The following FCHO1 variants were observed in gnomAD, a reference collection of about 807,000 sequenced individuals.
FCHO1 encodes the protein F-BAR domain only protein 1.
FCHO1 carries 45 observed loss-of-function variants against 114.4 expected under a neutral mutation model. That is an observed-to-expected ratio of 0.39 (90% CI 0.31 to 0.50). The LOEUF is 0.50. Among genes scored for constraint, FCHO1 ranks in the 20% least tolerant of loss-of-function variants. The pLI, the probability that FCHO1 is intolerant of heterozygous loss-of-function variation, is 0.77. For missense variants in FCHO1, 1,042 were observed against 1,209.6 expected (o/e 0.86, Z 2.06); for synonymous variants, 480 against 488.9 (o/e 0.98, Z 0.24).
rs2082796698 is a variant in FCHO1 at position 17,754,323 on chromosome 19, A to C, written c.-176A>C. On this transcript the variant is annotated 5_prime_UTR_variant, in exon 2 of 29. Coordinates refer to ENST00000596536, the MANE Select transcript of FCHO1 (RefSeq NM_015122.3). ...ATTCCTTCTTATTTTGCAGATGGGGAAACTGAGGCACGGAGCTGGACAGTG... is the reference window on the plus strand; with the variant it reads ...ATTCCTTCTTATTTTGCAGATGGGGCAACTGAGGCACGGAGCTGGACAGTG... 1 of 152,398 alleles carries C rather than the reference A, an allele frequency of 6.6e-6. No individual in the cohort carries two copies. The highest frequency in any genetic ancestry group is 6.5e-5 in the Admixed American group (1 of 15,288). The allele number at this position is 152,398 out of a possible 1,614,324, so 9.4% of individuals were successfully genotyped here. A position where few individuals can be genotyped will look rare whatever the true frequency, so the allele number is the denominator to read the frequency against.
rs760083911 is a variant in FCHO1 at position 17,776,673 on chromosome 19, C to G, written c.1246C>G (p.Pro416Ala). 5.6e-6 allele frequency: 9 copies of G among 1,613,610 alleles called. No homozygotes were observed. The highest frequency in any genetic ancestry group is 5.3e-5 in the African/African-American group (4 of 74,878). The change falls in exon 18 of 29, where the codon CCC (proline) becomes GCC (alanine). Residue 416 changes from proline to alanine, a missense_variant. Pro to Ala is a conservative substitution (Grantham distance 27). This residue lies in a region of FCHO1 where 455 missense variants were observed against 455.4 expected (regional missense o/e 1.00). Transcript: ENST00000596536. This position sits in a 1 kb window ranked among gnomAD's most constrained non-coding sequence, Gnocchi z 4.4. ...GAAACCCCAGAGACCTCGGTCTGCC[C>G]CCAGAACCAGCAGGTGGGTTCCACA... ...AGKPQRPRSA[P>A]RTSSCAERLQ...
intron 4 of FCHO1, among the ~76,000 whole-genome samples, chr19:17,761,252 C>G (rs1213126222): frequency 6.6e-6 from 1 of 152,082 alleles, no homozygotes; most frequent in Non-Finnish European, 1.5e-5. Flanking sequence ...AATTTGGGTT[C>G]TCATAGGCGG....
Position 17,781,212 on chromosome 19 carries a change from T to G in FCHO1, c.1628-19T>G. 1 of 1,584,720 alleles carries G rather than the reference T, an allele frequency of 6.3e-7. No homozygotes were observed. Among genetic ancestry groups the G allele is most frequent in the Non-Finnish European group, 8.6e-7 (1 of 1,157,476 alleles). On this transcript the variant is annotated intron_variant, in intron 20 of 28. Coordinates refer to ENST00000596536, the MANE Select transcript of FCHO1 (RefSeq NM_015122.3). ...CCCCGGGCAGCATCTCAGCAGTGCC[T>G]CTTTGTACTCGCTCCTAGACCTGAT...
At chr19:17,769,437 G>A (rs748511423) in intron 7 of FCHO1, among the ~76,000 whole-genome samples, 37 of 151,744 alleles carry the variant, frequency 2.4e-4, no homozygotes, top group Non-Finnish European at 3.5e-4. Flanking sequence ...AAAATTAGCC[G>A]GGCGTGGTGG....
chr19:17,770,730 G>A (rs1035465485), intron 8 of FCHO1, 62 bp from the exon 9 acceptor site: 2 of 1,598,624 alleles, frequency 1.3e-6, no homozygotes, highest in African/African-American at 1.3e-5. Context: ...CAGGTGATGG[G>A]GCCTGGGGGA....
chr19:17,750,723 T>C (rs2081680682), upstream of FCHO1, among the ~76,000 whole-genome samples: 1 of 152,072 alleles, frequency 6.6e-6, no homozygotes, highest in Non-Finnish European at 1.5e-5. Context: ...CCTCCCAAAG[T>C]GCTGGGATTC....
Position 17,766,765 on chromosome 19 carries a change from G to A in FCHO1, c.291G>A (p.Lys97=), listed in dbSNP as rs138314971. ...ELTRKLQDLI[K]DVLRYGEEQL... is the part of the protein sequence containing the mutation. ...CACGGAAGTTACAGGATCTCATCAA[G>A]GACGTTCTCCGCTACGGCGAGGAAC... The change falls in exon 7 of 29, where the codon AAG becomes AAA. Residue 97 remains lysine, a synonymous_variant. Coordinates refer to ENST00000596536, the MANE Select transcript of FCHO1 (RefSeq NM_015122.3). 458 of 1,614,180 alleles carry A rather than the reference G, an allele frequency of 2.8e-4. No homozygotes were observed. Among genetic ancestry groups the A allele is most frequent in the Admixed American group, 1.6e-3 (97 of 60,020 alleles).
chr19:17,770,989 C>T (rs987524616), intron 9 of FCHO1, 93 bp downstream of exon 9: 2 of 1,115,538 alleles, frequency 1.8e-6, no homozygotes, highest in South Asian at 2.6e-5. Flanking sequence ...TGTGGTGGCT[C>T]ACACCTGTAA....
Position 17,784,929 on chromosome 19 carries a change from G to A in FCHO1, c.2426+5G>A. ...CTTGCAGCCGGCTGCCACCTGGTGA[G>A]GGCTTGCGGGAGGCCAAGGAAAACT... On this transcript the variant is annotated splice_donor_5th_base_variant and intron_variant, in intron 26 of 28. Coordinates refer to ENST00000596536, the MANE Select transcript of FCHO1 (RefSeq NM_015122.3). This position sits in a 1 kb window ranked among gnomAD's most constrained non-coding sequence, Gnocchi z 5.3. 1 of 1,609,032 alleles carries A rather than the reference G, an allele frequency of 6.2e-7. No homozygotes were observed. Among genetic ancestry groups the A allele is most frequent in the East Asian group, 2.2e-5 (1 of 44,878 alleles).
At chr19:17,766,581 C>G in intron 6 of FCHO1, 88 bp from the exon 7 acceptor site, 1 of 1,509,570 alleles carries the variant, frequency 6.6e-7, no homozygotes, top group Non-Finnish European at 9.1e-7. Context: ...CAGGGCTCAG[C>G]GTGCAGCACA....
intron 4 of FCHO1, among the ~76,000 whole-genome samples, chr19:17,755,821 C>A (rs573944677): frequency 2.0e-5 from 3 of 152,324 alleles, no homozygotes; most frequent in African/African-American, 7.2e-5. Flanking sequence ...GCTTAGACAC[C>A]TTCAGCCCTG....
Position 17,774,472 on chromosome 19 carries a change from C to T in FCHO1, c.914C>T (p.Ala305Val). 2.5e-6 allele frequency: 4 copies of T among 1,612,728 alleles called. No homozygotes were observed. Among genetic ancestry groups the T allele is most frequent in the Non-Finnish European group, 3.4e-6 (4 of 1,179,866 alleles). The change falls in exon 13 of 29, where the codon GCA becomes GTA. Residue 305 changes from alanine (A) to valine (V), a missense_variant. Transcript: ENST00000596536. ...SRREREPEPP[A>V]AVDFLEPDSG... ...CGGGAGCGGGAGCCAGAGCCACCTG[C>T]AGCTGTGTGAGGAAGCACCCCTGCC... is the stretch of plus-strand genomic sequence containing the variant.
chr19:17,786,520 G>A, intron 26 of FCHO1, 54 bp from the exon 27 acceptor site: 1 of 1,587,226 alleles, frequency 6.3e-7, no homozygotes, highest in Non-Finnish European at 8.6e-7. Context: ...GCAGGACCCT[G>A]GGCTCTCAGC....
rs1184297079 is a variant in FCHO1 at position 17,784,260 on chromosome 19, A to G, written c.2226+25A>G. ...GGTGCGCCACCCGCATGGGGCCGGG[A>G]GGAGGTGGTGGAGTGGGGGACACGG... On this transcript the variant is annotated intron_variant, in intron 25 of 28. Coordinates refer to ENST00000596536, the MANE Select transcript of FCHO1 (RefSeq NM_015122.3). The surrounding 1 kb of genome is among the most constrained non-coding windows in gnomAD (Gnocchi z 5.3). The G allele has an allele frequency of 6.3e-7, 1 of 1,576,424 alleles. No homozygotes were observed. The highest frequency in any genetic ancestry group is 1.1e-5 in the South Asian group (1 of 87,520).
At chr19:17,777,671 C>G (rs1599731172) in intron 18 of FCHO1, among the ~76,000 whole-genome samples, 1 of 152,046 alleles carries the variant, frequency 6.6e-6, no homozygotes, top group East Asian at 1.9e-4. Flanking sequence ...TTGGGAACCT[C>G]CCTGAGGGGG....
chr19:17,762,439 A>G (rs1381998097), intron 4 of FCHO1, among the ~76,000 whole-genome samples: 1 of 152,178 alleles, frequency 6.6e-6, no homozygotes, highest in Non-Finnish European at 1.5e-5. Flanking sequence ...AGACTGAGAC[A>G]GAAACGGCAG....
At position 17,769,712 on chromosome 19, in the gene FCHO1, G is replaced by A. The variant is rs148252118; in HGVS notation, c.337-713G>A. Among the ~76,000 whole-genome samples, 9 of 152,090 alleles carry A rather than the reference G, an allele frequency of 5.9e-5. No homozygotes were observed. The East Asian group carries it at 9.7e-4, about 16-fold the overall frequency. On this transcript the variant is annotated intron_variant, in intron 7 of 28. Transcript: ENST00000596536. Reference sequence around the variant, plus strand: ...AGAACAAGCATCTTTATCCATATGCGGATTATTTCTAGAGAAGTATCACAG... The same window carrying A: ...AGAACAAGCATCTTTATCCATATGCAGATTATTTCTAGAGAAGTATCACAG...
In FCHO1 at chr19:17,784,833, A is replaced by T; in HGVS notation, c.2335A>T (p.Thr779Ser). ...SVEYGYRPGA[T>S]AVPTPLTNVQ... ...GGAGTACGGCTACCGGCCCGGTGCC[A>T]CGGCTGTGCCCACACCACTCACGAA... The change falls in exon 26 of 29, where the codon ACG (threonine) becomes TCG (serine). Residue 779 changes from threonine (T) to serine (S), a missense_variant. Around this residue, in one of 3 missense-constraint regions of FCHO1, gnomAD observed 137 missense variants for 190.0 expected, o/e 0.72. Coordinates refer to ENST00000596536, the MANE Select transcript of FCHO1 (RefSeq NM_015122.3). This position sits in a 1 kb window ranked among gnomAD's most constrained non-coding sequence, Gnocchi z 5.3. 2 of 1,613,914 alleles carry T rather than the reference A, an allele frequency of 1.2e-6. No individual in the cohort carries two copies. Among genetic ancestry groups the T allele is most frequent in the Non-Finnish European group, 1.7e-6 (2 of 1,180,028 alleles).
chr19:17,787,223 C>CAA (rs61302593), intron 27 of FCHO1, among the ~76,000 whole-genome samples: 471 of 39,834 alleles, frequency 0.012, 50 homozygotes, highest in Non-Finnish European at 0.019. Flanking sequence ...GACTCTGTCT[C>CAA]AAAAAAAAAA....
Sources: allele counts gnomAD v4.1 joint callset (sites outside exome capture counted in the v4.1 genomes callset), GRCh38; gene constraint gnomAD v4.1.1; regional missense constraint gnomAD v4.1.1; non-coding constraint Gnocchi (gnomAD v3.1); transcripts MANE v1.5; gene names NCBI Gene and HGNC (gene_info 2026-07-23, HGNC 2026-07-21).